Variants in ERC2 observed in about 807,000 individuals in gnomAD.
The protein encoded by ERC2 is ERC protein 2.
Under a neutral mutation model 114.8 loss-of-function variants are expected in ERC2, and 42 were observed. That is an observed-to-expected ratio of 0.37 (90% confidence interval 0.29 to 0.47). The LOEUF (loss-of-function observed/expected upper bound fraction) is 0.47. Ranked by LOEUF, ERC2 falls within the 20% of genes least tolerant of loss-of-function variation. ERC2 has a pLI of 0.99. For missense variants in ERC2, 939 were observed against 1,150.7 expected, an observed-to-expected ratio of 0.82 and a Z score of 2.66; for synonymous variants, 454 against 425.5, an observed-to-expected ratio of 1.07 and a Z score of -0.82.
chr3:55,651,014 A>ATT (rs71096493), intron 17 of ERC2, among the ~76,000 whole-genome samples: 1,232 of 95,920 alleles, frequency 0.013, 11 homozygotes, highest in Middle Eastern at 0.021. Context: ...CACCCAGCTA[A>ATT]TTTTTTTTTT....
intron 2 of ERC2, among the ~76,000 whole-genome samples, chr3:56,408,906 G>GCACGAGGCT (rs1234117469): frequency 6.6e-6 from 1 of 152,240 alleles, no homozygotes; most frequent in Non-Finnish European, 1.5e-5. Flanking sequence ...CCTGAGGAAC[G>GCACGAGGCT]CACGAGGCTG....
intron 17 of ERC2, among the ~76,000 whole-genome samples, chr3:55,678,684 A>G (rs746769286): frequency 1.3e-5 from 2 of 152,310 alleles, no homozygotes; most frequent in Non-Finnish European, 2.9e-5. Context: ...ATGCAGGAAC[A>G]TGGAAAACAG....
chr3:56,118,597 T>C (rs2079383419), intron 6 of ERC2, among the ~76,000 whole-genome samples: 1 of 151,802 alleles, frequency 6.6e-6, no homozygotes, highest in Non-Finnish European at 1.5e-5. Flanking sequence ...GTAGTATAAT[T>C]CCCAGTTTTC....
At chr3:56,371,193 A>T (rs970795237) in intron 2 of ERC2, among the ~76,000 whole-genome samples, 2 of 152,330 alleles carry the variant, frequency 1.3e-5, no homozygotes, top group South Asian at 4.1e-4. Flanking sequence ...TAGCCAGACT[A>T]TACAAGACAA....
At chr3:55,692,268 G>T (rs151017550) in intron 16 of ERC2, among the ~76,000 whole-genome samples, 210 of 152,288 alleles carry the variant, frequency 1.4e-3, no homozygotes, top group African/African-American at 4.9e-3. Flanking sequence ...CCTCAAGCTG[G>T]TGCCCCAGGA....
chr3:56,417,187 A>G (rs1013294589), intron 2 of ERC2, among the ~76,000 whole-genome samples: 1 of 152,204 alleles, frequency 6.6e-6, no homozygotes, highest in African/African-American at 2.4e-5. Flanking sequence ...TCTGGAAACC[A>G]TGTGATCTTT....
At chr3:56,084,178 A>C (rs2149766957) in intron 6 of ERC2, among the ~76,000 whole-genome samples, 1 of 152,304 alleles carries the variant, frequency 6.6e-6, no homozygotes, top group South Asian at 2.1e-4. Flanking sequence ...ACCTTATCCC[A>C]ACCAGAATAG....
chr3:55,660,900 C>A (rs1469572561), intron 17 of ERC2, among the ~76,000 whole-genome samples: 1 of 152,128 alleles, frequency 6.6e-6, no homozygotes, highest in Non-Finnish European at 1.5e-5. Context: ...TTGTGAAGAA[C>A]AAGGTAAGAA....
chr3:55,880,064 T>C (rs1273668923), intron 14 of ERC2, among the ~76,000 whole-genome samples: 2 of 152,194 alleles, frequency 1.3e-5, no homozygotes, highest in African/African-American at 4.8e-5. Context: ...GACTCAGATG[T>C]CAATGGATGG....
chr3:56,095,727 G>A (rs2078027090), intron 6 of ERC2, among the ~76,000 whole-genome samples: 2 of 152,144 alleles, frequency 1.3e-5, no homozygotes, highest in Non-Finnish European at 2.9e-5. Flanking sequence ...GTTAGGCCCA[G>A]AGCTCCCAGA....
Position 56,209,014 on chromosome 3 carries a change from T to C in ERC2, c.1075-35494A>G, listed in dbSNP as rs1186461133. On this transcript the variant is annotated intron_variant, in intron 3 of 17. Coordinates refer to ENST00000288221, the MANE Select transcript of ERC2 (RefSeq NM_015576.3). ...CCATCTAGTTTCTACAGTATAGACA[T>C]AGTCAAATCTGATCACTCCCCTCCT... Among the ~76,000 whole-genome samples, 3 of 152,126 alleles carry C rather than the reference T, an allele frequency of 2.0e-5. No homozygotes were observed. The East Asian group carries it at 5.8e-4, about 29-fold the overall frequency.
intron 10 of ERC2, among the ~76,000 whole-genome samples, chr3:56,006,369 T>C (rs1264218024): frequency 6.6e-6 from 1 of 152,086 alleles, no homozygotes; most frequent in Non-Finnish European, 1.5e-5. Flanking sequence ...CTATGAATTA[T>C]ACATAGTCAA....
At chr3:56,118,426 A>C (rs1235116193) in intron 6 of ERC2, among the ~76,000 whole-genome samples, 1 of 152,182 alleles carries the variant, frequency 6.6e-6, no homozygotes, top group Non-Finnish European at 1.5e-5. Flanking sequence ...TATAACATGC[A>C]CAAAGCTCAG....
chr3:56,415,809 C>T (rs2061128733), intron 2 of ERC2, among the ~76,000 whole-genome samples: 1 of 152,180 alleles, frequency 6.6e-6, no homozygotes, highest in Admixed American at 6.5e-5. Context: ...GCAAATCACC[C>T]CATCAGCAGC....
At chr3:55,525,294 G>T (rs994826504) in intron 17 of ERC2, among the ~76,000 whole-genome samples, 27 of 152,174 alleles carry the variant, frequency 1.8e-4, no homozygotes, top group African/African-American at 6.3e-4. Flanking sequence ...ATTTTTGCCA[G>T]CCATGGGCCA....
chr3:55,804,717 C>T (rs2059427107), intron 14 of ERC2, among the ~76,000 whole-genome samples: 1 of 152,092 alleles, frequency 6.6e-6, no homozygotes, highest in Admixed American at 6.5e-5. Context: ...ATCCAGGGAC[C>T]TTCCATAGCA....
intron 7 of ERC2, among the ~76,000 whole-genome samples, chr3:56,035,602 CAG>C (rs1442202010): frequency 6.6e-6 from 1 of 152,160 alleles, no homozygotes; most frequent in Non-Finnish European, 1.5e-5. Flanking sequence ...AAGGGCTTGA[CAG>C]AGGGAGTTTG....
At chr3:55,808,744 A>ATAAAG (rs1559689738) in intron 14 of ERC2, among the ~76,000 whole-genome samples, 1 of 85,714 alleles carries the variant, frequency 1.2e-5, no homozygotes, top group African/African-American at 5.0e-5. Flanking sequence ...TATATATATA[A>ATAAAG]CGTATAACTA....
intron 6 of ERC2, among the ~76,000 whole-genome samples, chr3:56,090,288 C>T (rs188177654): frequency 6.6e-5 from 10 of 152,316 alleles, no homozygotes; most frequent in Admixed American, 3.9e-4. Flanking sequence ...TCTTTAACTT[C>T]TGCAGCTATT....
Sources: gnomAD v4.1 joint callset for allele counts (sites outside exome capture counted in the v4.1 genomes callset) on GRCh38, gnomAD v4.1.1 for gene constraint, MANE v1.5 for transcripts, NCBI Gene and HGNC (gene_info 2026-07-23, HGNC 2026-07-21) for gene names.